The following PITPNM2 variants were observed in gnomAD, a reference collection of about 807,000 sequenced individuals.
PITPNM2 encodes the protein membrane-associated phosphatidylinositol transfer protein 2.
A neutral mutation model predicts 132.2 loss-of-function variants in PITPNM2; 35 were observed. The ratio of observed to expected loss-of-function variants is 0.26; its 90% CI spans 0.20 to 0.35. PITPNM2 has a LOEUF of 0.35. Among genes scored for constraint, PITPNM2 ranks in the 10% least tolerant of loss-of-function variants. The pLI, the probability that PITPNM2 is intolerant of heterozygous loss-of-function variation, is 1.00. For missense variants in PITPNM2, 1,332 were observed against 1,912.0 expected (o/e 0.70, Z 5.66); for synonymous variants, 738 against 799.2 (o/e 0.92, Z 1.29).
Position 122,986,284 on chromosome 12 carries a change from G to T in PITPNM2, c.3793C>A (p.Arg1265Ser). Residue 1265 changes from arginine to serine, a missense_variant, in exon 26 of 26, where the codon CGC (arginine) becomes AGC (serine). By Grantham distance (110) the Arg-to-Ser change is moderately radical. Coordinates refer to ENST00000320201, the MANE Select transcript of PITPNM2 (RefSeq NM_020845.3). Reference sequence around the variant, plus strand: ...AGCGCCATGCGGGTGGCCGTGTTGCGAGCGGGCCGCGCCCGGTGGCTGTAC... The same window carrying T: ...AGCGCCATGCGGGTGGCCGTGTTGCTAGCGGGCCGCGCCCGGTGGCTGTAC... Reference protein sequence around the residue: ...LKYSHRARPARNTATRMALRK... With the variant: ...LKYSHRARPASNTATRMALRK... 6.3e-7 allele frequency: 1 copy of T among 1,583,162 alleles called. No individual in the cohort carries two copies.
intron 2 of PITPNM2, among the ~76,000 whole-genome samples, chr12:123,063,401 T>C (rs2041312936): frequency 1.3e-5 from 2 of 152,230 alleles, no homozygotes; most frequent in African/African-American, 4.8e-5. Flanking sequence ...CTCTTGGGCT[T>C]GGTGAGAGGC....
Position 123,045,427 on chromosome 12 carries a change from A to G in PITPNM2, c.-95-10742T>C, listed in dbSNP as rs1030430016. Among the ~76,000 whole-genome samples the G allele has an allele frequency of 3.9e-5, 6 of 152,314 alleles. No homozygotes were observed. The East Asian group carries it at 1.2e-3, about 29-fold the overall frequency. ...GACCTCCATGTGGCTAAGTCGGCAGACAATTCTCATCAAATTCAGTCTTTC... is the reference window on the plus strand; with the variant it reads ...GACCTCCATGTGGCTAAGTCGGCAGGCAATTCTCATCAAATTCAGTCTTTC... On this transcript the variant is annotated intron_variant, in intron 2 of 25. Coordinates refer to ENST00000320201, the MANE Select transcript of PITPNM2 (RefSeq NM_020845.3).
At chr12:122,996,198 C>T (rs77478491) in intron 13 of PITPNM2, among the ~76,000 whole-genome samples, 1 of 152,376 alleles carries the variant, frequency 6.6e-6, no homozygotes, top group East Asian at 1.9e-4. Flanking sequence ...AGCTCCCCTG[C>T]ACCCCCAACC....
intron 2 of PITPNM2, among the ~76,000 whole-genome samples, chr12:123,038,285 G>A (rs947381861): frequency 1.2e-4 from 19 of 152,320 alleles, no homozygotes; most frequent in African/African-American, 4.3e-4. Context: ...TTAAATGCAC[G>A]GGTGACTAAT....
In PITPNM2 at chr12:122,996,449, C is replaced by A; in HGVS notation, c.1782+9G>T. ...GCCTTGGGGACTGTCTGGGCCCCCACTTGGGTACCTGCATGCTGACCACGC... is the reference window on the plus strand; with the variant it reads ...GCCTTGGGGACTGTCTGGGCCCCCAATTGGGTACCTGCATGCTGACCACGC... On this transcript the variant is annotated intron_variant, in intron 13 of 25. Transcript: ENST00000320201. 2 of 1,612,876 alleles carry A rather than the reference C, an allele frequency of 1.2e-6. No individual in the cohort carries two copies. Among genetic ancestry groups the A allele is most frequent in the Non-Finnish European group, 1.7e-6 (2 of 1,179,938 alleles).
rs1036670543 is a variant in PITPNM2, at chr12:122,986,419, A to G, written c.3726+17T>C. 3 of 1,566,692 alleles carry G rather than the reference A, an allele frequency of 1.9e-6. No individual in the cohort carries two copies. The highest frequency in any genetic ancestry group is 2.3e-5 in the South Asian group (2 of 85,472). ...GAGCTGCCCGCCTGCACCCGCCCCC[A>G]CAATGCGCCCACTCACCTGGCACTG... On this transcript the variant is annotated intron_variant, in intron 25 of 25. Transcript: ENST00000320201.
intron 1 of PITPNM2, among the ~76,000 whole-genome samples, chr12:123,122,775 G>A (rs1480404541): frequency 6.6e-6 from 1 of 152,186 alleles, no homozygotes; most frequent in Non-Finnish European, 1.5e-5. Context: ...GTCTTAACTG[G>A]CTATGCCAGG....
chr12:123,070,238 C>G (rs1230865108), intron 2 of PITPNM2, among the ~76,000 whole-genome samples: 2 of 152,130 alleles, frequency 1.3e-5, no homozygotes, highest in African/African-American at 2.4e-5. Flanking sequence ...AGGGACTGGG[C>G]CCTGAAAGCT....
intron 2 of PITPNM2, among the ~76,000 whole-genome samples, chr12:123,102,906 G>T (rs1176052252): frequency 6.6e-6 from 1 of 152,186 alleles, no homozygotes; most frequent in African/African-American, 2.4e-5. Context: ...CTTGCCCGTT[G>T]TATTCCAAGG....
intron 1 of PITPNM2, among the ~76,000 whole-genome samples, chr12:123,118,265 G>A (rs1371980646): frequency 6.6e-6 from 1 of 152,188 alleles, no homozygotes; most frequent in African/African-American, 2.4e-5. Context: ...GACAGTTCAG[G>A]GAGATTGGAT....
At chr12:123,086,708 TA>T in intron 2 of PITPNM2, among the ~76,000 whole-genome samples, 1 of 152,332 alleles carries the variant, frequency 6.6e-6, no homozygotes, top group South Asian at 2.1e-4. Flanking sequence ...ATTCAAATTC[TA>T]GTCATCTGGC....
chr12:123,105,691 C>T (rs1479603387), intron 2 of PITPNM2, among the ~76,000 whole-genome samples: 1 of 152,170 alleles, frequency 6.6e-6, no homozygotes, highest in African/African-American at 2.4e-5. Context: ...CGTCATGCCT[C>T]CAGCTGCCTC....
At chr12:123,055,554 T>C (rs769281666) in intron 2 of PITPNM2, among the ~76,000 whole-genome samples, 2 of 152,222 alleles carry the variant, frequency 1.3e-5, no homozygotes, top group South Asian at 2.1e-4. Context: ...CAGTGACATC[T>C]TGATGCAGCT....
rs1242570391 is a variant in PITPNM2 at position 123,022,436 on chromosome 12, T to C, written c.79-8394A>G. The stretch of plus-strand genomic sequence containing the variant: ...GCGGCCACAACTGCTCAACTGTCAT[T>C]ATCAGGAGCCAATGCAGGCAGGGAG... On this transcript the variant is annotated intron_variant, in intron 3 of 25. Coordinates refer to ENST00000320201, the MANE Select transcript of PITPNM2 (RefSeq NM_020845.3). The surrounding 1 kb of genome is among the most constrained non-coding windows in gnomAD (Gnocchi z 4.9). 2.6e-5 allele frequency among the ~76,000 whole-genome samples: 4 copies of C among 152,012 alleles called. No individual in the cohort carries two copies. The highest frequency in any genetic ancestry group is 4.4e-5 in the Non-Finnish European group (3 of 68,010).
chr12:123,074,057 A>G (rs1188441400), intron 2 of PITPNM2, among the ~76,000 whole-genome samples: 3 of 152,230 alleles, frequency 2.0e-5, no homozygotes, highest in African/African-American at 7.2e-5. Context: ...GGTTGCATGT[A>G]TAACTAATGA....
chr12:123,093,291 C>T (rs1051979753), intron 2 of PITPNM2, among the ~76,000 whole-genome samples: 2 of 151,986 alleles, frequency 1.3e-5, no homozygotes, highest in Non-Finnish European at 1.5e-5. Flanking sequence ...TTAAAAAAAC[C>T]TTTATTTATT....
In PITPNM2 at chr12:123,117,190, A is replaced by C. The variant is rs2042949966; in HGVS notation, c.-199-6702T>G. Among the ~76,000 whole-genome samples, 1 of 152,170 alleles carries C rather than the reference A, an allele frequency of 6.6e-6. No individual in the cohort carries two copies. The highest frequency in any genetic ancestry group is 1.5e-5 in the Non-Finnish European group (1 of 68,038). The stretch of plus-strand genomic sequence containing the variant: ...GTGCTTAAATGAGTCTTAGGAAGAG[A>C]GTAGTCTTCCACTCCCAATATCCCA... On this transcript the variant is annotated intron_variant, in intron 1 of 25. Coordinates refer to ENST00000320201, the MANE Select transcript of PITPNM2 (RefSeq NM_020845.3). This position sits in a 1 kb window ranked among gnomAD's most constrained non-coding sequence, Gnocchi z 4.7.
In PITPNM2 at chr12:123,111,017, A is replaced by G. The variant is rs921517492; in HGVS notation, c.-199-529T>C. On this transcript the variant is annotated intron_variant, in intron 1 of 25. Coordinates refer to ENST00000320201, the MANE Select transcript of PITPNM2 (RefSeq NM_020845.3). The surrounding 1 kb of genome is among the most constrained non-coding windows in gnomAD (Gnocchi z 4.1). The stretch of plus-strand genomic sequence containing the variant: ...TTCCAGCAAGCCCCTCCAGCTGGGC[A>G]GAGTGTGATCTGACTACCCAGAGGC... 1.3e-5 allele frequency among the ~76,000 whole-genome samples: 2 copies of G among 152,238 alleles called. No homozygotes were observed. Among genetic ancestry groups the G allele is most frequent in the Middle Eastern group, 3.2e-3 (1 of 316 alleles).
chr12:123,017,482 G>A (rs1042926880), intron 3 of PITPNM2, among the ~76,000 whole-genome samples: 4 of 152,150 alleles, frequency 2.6e-5, no homozygotes, highest in African/African-American at 9.7e-5. Flanking sequence ...ACAGAGACTT[G>A]AACAGATACT....
Sources: allele counts gnomAD v4.1 joint callset (sites outside exome capture counted in the v4.1 genomes callset), GRCh38; gene constraint gnomAD v4.1.1; non-coding constraint Gnocchi (gnomAD v3.1); transcripts MANE v1.5; gene names NCBI Gene and HGNC (gene_info 2026-07-23, HGNC 2026-07-21).